Variants in PEX5L observed in about 807,000 individuals in gnomAD.
The protein encoded by PEX5L is peroxisomal biogenesis factor 5 like.
PEX5L carries 30 observed loss-of-function variants against 84.0 expected under a neutral mutation model. The ratio of observed to expected loss-of-function variants is 0.36; its 90% CI spans 0.27 to 0.48. PEX5L has a LOEUF of 0.48. PEX5L is among the 20% of genes least tolerant of loss of function. The pLI is 0.99. For missense variants in PEX5L, 533 were observed against 754.6 expected, an observed-to-expected ratio of 0.71 and a Z score of 3.44; for synonymous variants, 270 against 283.1, an observed-to-expected ratio of 0.95 and a Z score of 0.46.
intron 8 of PEX5L, among the ~76,000 whole-genome samples, chr3:179,822,094 G>T (rs1233727526): frequency 6.6e-6 from 1 of 152,168 alleles, no homozygotes; most frequent in Non-Finnish European, 1.5e-5. Context: ...CAAAGATGCA[G>T]GTTTAACCTG....
At chr3:179,943,392 A>C (rs1201255259) in intron 2 of PEX5L, among the ~76,000 whole-genome samples, 4 of 152,230 alleles carry the variant, frequency 2.6e-5, no homozygotes, top group Non-Finnish European at 5.9e-5. Flanking sequence ...TCATTTCCTA[A>C]AATGAAATCA....
chr3:180,030,603 T>C (rs1264099050), intron 1 of PEX5L, among the ~76,000 whole-genome samples: 10 of 152,200 alleles, frequency 6.6e-5, no homozygotes, highest in Admixed American at 4.6e-4. Context: ...TCCTCTACCA[T>C]ACCAGTTGTT....
intron 5 of PEX5L, among the ~76,000 whole-genome samples, chr3:179,876,334 A>AT (rs984838407): frequency 4.0e-5 from 6 of 151,892 alleles, no homozygotes; most frequent in Non-Finnish European, 8.8e-5. Context: ...TTTCTACTAA[A>AT]TAAAAAAAAA....
At chr3:179,808,814 A>T (rs377055571) in intron 12 of PEX5L, among the ~76,000 whole-genome samples, 1 of 151,986 alleles carries the variant, frequency 6.6e-6, no homozygotes, top group African/African-American at 2.4e-5. Context: ...GTGGTGGCTC[A>T]CGCCTGTAAT....
At chr3:179,856,296 T>G (rs1743913340) in intron 8 of PEX5L, among the ~76,000 whole-genome samples, 1 of 152,260 alleles carries the variant, frequency 6.6e-6, no homozygotes, top group African/African-American at 2.4e-5. Context: ...GGGATTATAC[T>G]GTAAAACTTT....
At chr3:179,976,604 A>G (rs2110305437) in intron 1 of PEX5L, among the ~76,000 whole-genome samples, 1 of 152,132 alleles carries the variant, frequency 6.6e-6, no homozygotes, top group Admixed American at 6.5e-5. Flanking sequence ...CAGCTGGCTA[A>G]TTTTTGTATT....
At chr3:179,802,561 A>C (rs1179350687) in intron 14 of PEX5L, among the ~76,000 whole-genome samples, 1 of 151,090 alleles carries the variant, frequency 6.6e-6, no homozygotes, top group African/African-American at 2.4e-5. Context: ...AAAAGAAAAG[A>C]AAAGAAAAGA....
chr3:179,811,700 T>C, intron 11 of PEX5L, 101 bp downstream of exon 11: 1 of 907,208 alleles, frequency 1.1e-6, no homozygotes, highest in Non-Finnish European at 1.8e-6. Flanking sequence ...TTACAAATTC[T>C]TTACACTGTA....
intron 2 of PEX5L, among the ~76,000 whole-genome samples, chr3:179,935,271 A>G (rs989769700): frequency 3.9e-5 from 6 of 152,240 alleles, no homozygotes; most frequent in Admixed American, 2.6e-4. Context: ...CTTCAATGAA[A>G]GAAAACCATA....
chr3:179,914,597 T>C (rs1266762147), intron 2 of PEX5L, among the ~76,000 whole-genome samples: 1 of 152,214 alleles, frequency 6.6e-6, no homozygotes, highest in Non-Finnish European at 1.5e-5. Flanking sequence ...AATGAAGGCA[T>C]GAATGGATTG....
At chr3:179,945,964 C>T (rs953553147) in intron 2 of PEX5L, among the ~76,000 whole-genome samples, 8 of 151,474 alleles carry the variant, frequency 5.3e-5, no homozygotes, top group Non-Finnish European at 1.0e-4. Context: ...AAGCTGGTGA[C>T]TTGCAAGCCA....
intron 1 of PEX5L, among the ~76,000 whole-genome samples, chr3:179,989,696 T>C (rs138117275): frequency 3.6e-4 from 55 of 152,296 alleles, no homozygotes; most frequent in African/African-American, 1.2e-3. Flanking sequence ...ATGAAAATGA[T>C]TGATTGAGAA....
intron 2 of PEX5L, among the ~76,000 whole-genome samples, chr3:179,952,062 A>G (rs2140655): frequency 0.72 from 109,012 of 152,112 alleles, 39,662 homozygotes; most frequent in East Asian, 0.89. Flanking sequence ...TGGTCTTTGA[A>G]TGCAAAAGTA....
intron 6 of PEX5L, among the ~76,000 whole-genome samples, chr3:179,875,040 T>C (rs1450883562): frequency 6.6e-6 from 1 of 152,072 alleles, no homozygotes; most frequent in African/African-American, 2.4e-5. Context: ...TATTATTTAA[T>C]ATATTGAATA....
At chr3:179,822,996 G>A (rs1729047499) in intron 8 of PEX5L, among the ~76,000 whole-genome samples, 1 of 152,054 alleles carries the variant, frequency 6.6e-6, no homozygotes. Context: ...AGATATAATA[G>A]CAATTTTGGT....
chr3:179,816,682 C>T (rs1726242267), intron 9 of PEX5L, among the ~76,000 whole-genome samples: 1 of 151,974 alleles, frequency 6.6e-6, no homozygotes, highest in Non-Finnish European at 1.5e-5. Flanking sequence ...CACGTGTATA[C>T]CTATGTAACA....
rs533273278 is a variant in PEX5L, at chr3:179,864,795, T to G, written c.727-5638A>C. ...AACATCATGTTTTACATGATAAATATATAAAATTGTAATTTGTCAGTAAAA... is the reference window on the plus strand; with the variant it reads ...AACATCATGTTTTACATGATAAATAGATAAAATTGTAATTTGTCAGTAAAA... On this transcript the variant is annotated intron_variant, in intron 7 of 14. Transcript: ENST00000467460. Among the ~76,000 whole-genome samples, 6 of 152,258 alleles carry G rather than the reference T, an allele frequency of 3.9e-5. No homozygotes were observed. In the South Asian group the frequency reaches 1.0e-3, roughly 26 times the overall value.
At chr3:179,803,414 AATT>A in intron 14 of PEX5L, among the ~76,000 whole-genome samples, 1 of 152,306 alleles carries the variant, frequency 6.6e-6, no homozygotes, top group East Asian at 1.9e-4. Context: ...GGTTCTCAAT[AATT>A]ATTAAAAGTG....
At chr3:179,888,346 T>C (rs1278317018) in intron 3 of PEX5L, among the ~76,000 whole-genome samples, 1 of 152,200 alleles carries the variant, frequency 6.6e-6, no homozygotes, top group Admixed American at 6.5e-5. Flanking sequence ...ACAAATATTA[T>C]TTTGGGAGAG....
Sources: allele counts gnomAD v4.1 joint callset (sites outside exome capture counted in the v4.1 genomes callset), GRCh38; gene constraint gnomAD v4.1.1; transcripts MANE v1.5; gene names NCBI Gene and HGNC (gene_info 2026-07-23, HGNC 2026-07-21).